LARP4: variants seen among roughly 807,000 people sequenced by gnomAD.
LARP4 encodes the protein La ribonucleoprotein 4.
Under a neutral mutation model 92.9 loss-of-function variants are expected in LARP4, and 29 were observed. The observed-to-expected ratio is 0.31, with a 90% CI of 0.23 to 0.43. The LOEUF is 0.43. Ranked by LOEUF, LARP4 falls within the 20% of genes least tolerant of loss-of-function variation. LARP4 has a pLI of 1.00. For missense variants in LARP4, 732 were observed against 860.0 expected (o/e 0.85, Z 1.86); for synonymous variants, 279 against 284.1 (o/e 0.98, Z 0.18).
intron 8 of LARP4, among the ~76,000 whole-genome samples, chr12:50,452,327 G>A (rs141855220): frequency 2.0e-5 from 3 of 151,874 alleles, no homozygotes; most frequent in Admixed American, 6.6e-5. Context: ...GATTACAGGC[G>A]TGTGCCACCA....
chr12:50,429,125 T>A, intron 3 of LARP4, 35 bp downstream of exon 3: 1 of 1,516,802 alleles, frequency 6.6e-7, no homozygotes, highest in Admixed American at 1.7e-5. Flanking sequence ...AAATGAGAAT[T>A]CAGTACAGGA....
intron 1 of LARP4, among the ~76,000 whole-genome samples, chr12:50,424,868 C>T (rs1948469067): frequency 6.6e-6 from 1 of 151,746 alleles, no homozygotes; most frequent in Non-Finnish European, 1.5e-5. Flanking sequence ...ACCTTGAGGC[C>T]AGGTGCAGTG....
At chr12:50,428,020 G>T (rs1216164957) in intron 2 of LARP4, 111 bp downstream of exon 2, 5 of 621,800 alleles carry the variant, frequency 8.0e-6, no homozygotes, top group Non-Finnish European at 1.2e-5. Flanking sequence ...TTTTGAGACA[G>T]AGTCTTCCTC....
At chr12:50,474,933 C>CATT (rs1957384462) in intron 15 of LARP4, among the ~76,000 whole-genome samples, 1 of 152,140 alleles carries the variant, frequency 6.6e-6, no homozygotes, top group Non-Finnish European at 1.5e-5. Flanking sequence ...CATTTTAGTA[C>CATT]AGCACTTTTA....
chr12:50,435,528 G>A lies in LARP4; in HGVS notation c.439G>A (p.Asp147Asn). 5.7e-6 allele frequency: 9 copies of A among 1,584,158 alleles called. No individual in the cohort carries two copies. The highest frequency in any genetic ancestry group is 7.8e-6 in the Non-Finnish European group (9 of 1,153,818). The change falls in exon 5 of 16, where the codon GAT becomes AAT. Residue 147 changes from aspartate (D) to asparagine (N), a missense_variant. By Grantham distance (23) the Asp-to-Asn change is conservative (BLOSUM62 1). Transcript: ENST00000398473. ...GGATCTTTACTTGATATCTCAAATG[G>A]ATAGTGATCAGTTCATCCCAATTTG... ...SKDLYLISQM[D>N]SDQFIPIWTV... is the part of the protein sequence containing the mutation.
intron 1 of LARP4, among the ~76,000 whole-genome samples, chr12:50,410,895 G>A (rs572545229): frequency 5.3e-5 from 8 of 152,136 alleles, no homozygotes; most frequent in Non-Finnish European, 1.0e-4. Flanking sequence ...GGGAATTTTA[G>A]GATATAAATC....
chr12:50,476,969 GATTAAGCATAGTA>G lies in LARP4; in HGVS notation c.*1107_*1119del, dbSNP rs1269487215. On this transcript the variant is annotated 3_prime_UTR_variant, in exon 16 of 16. Coordinates refer to ENST00000398473, the MANE Select transcript of LARP4 (RefSeq NM_052879.5). The stretch of plus-strand genomic sequence containing the variant: ...TAATTTATTTGTCGTTAGTGTTAAA[GATTAAGCATAGTA>G]ACTGACTCTTAAGTGTTAAATAATG... The G allele has an allele frequency of 6.6e-6, 1 of 152,264 alleles. No homozygotes were observed. Among genetic ancestry groups the G allele is most frequent in the Non-Finnish European group, 1.5e-5 (1 of 68,018 alleles). The allele number at this position is 152,264 out of a possible 1,614,324, so 9.4% of individuals were successfully genotyped here. A position where few individuals can be genotyped will look rare whatever the true frequency, so the allele number is the denominator to read the frequency against.
Position 50,461,253 on chromosome 12 carries a change from A to G in LARP4, c.1240A>G (p.Asn414Asp), listed in dbSNP as rs1955329247. 6.2e-6 allele frequency: 10 copies of G among 1,614,136 alleles called. No homozygotes were observed. The highest frequency in any genetic ancestry group is 8.5e-6 in the Non-Finnish European group (10 of 1,180,026). ...AAGAAACTTTCCAGCTGAACGGCAT[A>G]ACCCCACAGTAACTGGGCATCAGGA... ...SSRNFPAERHNPTVTGHQEQT... is the reference protein window; with the variant it reads ...SSRNFPAERHDPTVTGHQEQT... The change falls in exon 11 of 16, where the codon AAC (asparagine) becomes GAC (aspartate). Residue 414 changes from asparagine (N) to aspartate (D), a missense_variant. By Grantham distance (23) the Asn-to-Asp change is conservative. Coordinates refer to ENST00000398473, the MANE Select transcript of LARP4 (RefSeq NM_052879.5).
intron 1 of LARP4, among the ~76,000 whole-genome samples, chr12:50,417,788 G>C (rs917264012): frequency 3.7e-4 from 57 of 152,308 alleles, no homozygotes; most frequent in African/African-American, 1.3e-3. Context: ...TCTTCCTCCA[G>C]GTTTAAGTGA....
chr12:50,409,966 A>G (rs953386313), intron 1 of LARP4, among the ~76,000 whole-genome samples: 7 of 151,160 alleles, frequency 4.6e-5, no homozygotes, highest in Non-Finnish European at 8.9e-5. Flanking sequence ...CTAATTTTGT[A>G]TTTTTAGTAG....
At chr12:50,410,905 C>T (rs1352460645) in intron 1 of LARP4, among the ~76,000 whole-genome samples, 3 of 152,020 alleles carry the variant, frequency 2.0e-5, no homozygotes, top group Non-Finnish European at 4.4e-5. Flanking sequence ...GGATATAAAT[C>T]CTGTCTTTTC....
At position 50,476,928 on chromosome 12, in the gene LARP4, C is replaced by G. The variant is rs1390737174; in HGVS notation, c.*1064C>G. 2.0e-5 allele frequency: 3 copies of G among 152,250 alleles called. No homozygotes were observed. Among genetic ancestry groups the G allele is most frequent in the Non-Finnish European group, 4.4e-5 (3 of 68,038 alleles). The allele number at this position is 152,250 out of a possible 1,614,324, so 9.4% of individuals were successfully genotyped here. A position where few individuals can be genotyped will look rare whatever the true frequency, so the allele number is the denominator to read the frequency against. On this transcript the variant is annotated 3_prime_UTR_variant, in exon 16 of 16. Transcript: ENST00000398473. ...AATTTTAGCTCCCAAGATGGTAGGG[C>G]AGACTGACCGTACAGTAATTTATTT... is the stretch of plus-strand genomic sequence containing the variant.
chr12:50,472,662 C>T (rs1020305536), intron 13 of LARP4, among the ~76,000 whole-genome samples: 2 of 151,944 alleles, frequency 1.3e-5, no homozygotes, highest in Non-Finnish European at 2.9e-5. Context: ...ATGGACACCC[C>T]CCACCCTAGC....
At position 50,475,810 on chromosome 12, in the gene LARP4, A is replaced by G. The variant is rs199544346; in HGVS notation, c.2121A>G (p.Gly707=). The change falls in exon 16 of 16, where the codon GGA becomes GGG. Residue 707 remains glycine, a synonymous_variant. Transcript: ENST00000398473. Reference sequence around the variant, plus strand: ...TTAGCCATAGGGCTATACCTCAGGGAGTGACTCGACGTAATGGCAAAGAGC... The same window carrying G: ...TTAGCCATAGGGCTATACCTCAGGGGGTGACTCGACGTAATGGCAAAGAGC... ...RQFSHRAIPQ[G]VTRRNGKEQY... is the part of the protein sequence containing the mutation. 2.6e-5 allele frequency: 42 copies of G among 1,614,166 alleles called. No individual in the cohort carries two copies. In the African/African-American group the frequency reaches 4.7e-4, roughly 18 times the overall value.
At chr12:50,456,126 G>C (rs556015472) in intron 10 of LARP4, among the ~76,000 whole-genome samples, 18 of 152,036 alleles carry the variant, frequency 1.2e-4, no homozygotes, top group Non-Finnish European at 2.6e-4. Context: ...GCAGTTGCTT[G>C]ACTCTGAAAT....
chr12:50,444,174 T>C (rs912370263), intron 8 of LARP4, among the ~76,000 whole-genome samples: 8 of 152,176 alleles, frequency 5.3e-5, no homozygotes, highest in Non-Finnish European at 2.9e-5. Flanking sequence ...ATGGTAACTA[T>C]TATGTATTTC....
At chr12:50,455,641 G>A (rs1565688781) in intron 10 of LARP4, among the ~76,000 whole-genome samples, 2 of 152,072 alleles carry the variant, frequency 1.3e-5, no homozygotes, top group Non-Finnish European at 1.5e-5. Flanking sequence ...TGTTTTACTG[G>A]AGAAATGAGC....
chr12:50,461,488 C>A, intron 11 of LARP4, 141 bp downstream of exon 11: 1 of 910,528 alleles, frequency 1.1e-6, no homozygotes, highest in Non-Finnish European at 1.6e-6. Context: ...ATTTTCAGAA[C>A]ATGAGTTGGT....
chr12:50,467,085 A>G lies in LARP4; in HGVS notation c.1510A>G (p.Met504Val). 1.2e-6 allele frequency: 2 copies of G among 1,613,056 alleles called. No individual in the cohort carries two copies. The highest frequency in any genetic ancestry group is 1.7e-6 in the Non-Finnish European group (2 of 1,179,164). Residue 504 changes from methionine (M) to valine (V), a missense_variant, in exon 13 of 16, where the codon ATG becomes GTG. Transcript: ENST00000398473. ...AGGTGAACTCGTTTTGGAGAATAGG[A>G]TGTCTGATGTTGTTAAAGGTGTCTA... ...MPGELVLENRMSDVVKGVYKE... is the reference protein window; with the variant it reads ...MPGELVLENRVSDVVKGVYKE...
Sources: gnomAD v4.1 joint callset for allele counts (sites outside exome capture counted in the v4.1 genomes callset) on GRCh38, gnomAD v4.1.1 for gene constraint, MANE v1.5 for transcripts, NCBI Gene and HGNC (gene_info 2026-07-23, HGNC 2026-07-21) for gene names.